The following FBN1 variants were observed in gnomAD, a reference collection of about 807,000 sequenced individuals.
FBN1 encodes the protein fibrillin-1.
Under a neutral mutation model 365.1 loss-of-function variants are expected in FBN1, and 29 were observed. The ratio of observed to expected loss-of-function variants is 0.08; its 90% CI spans 0.06 to 0.11. The LOEUF (loss-of-function observed/expected upper bound fraction) is 0.11. FBN1 is among the 10% of genes least tolerant of loss of function. The probability of loss-of-function intolerance (pLI) is 1.00; values close to 1 mark genes in which losing one functional copy is unlikely to be tolerated. For synonymous variants in FBN1, 1,210 were observed against 1,270.5 expected (o/e 0.95, Z 1.01); for missense variants, 2,476 against 3,703.2 (o/e 0.67, Z 8.60).
chr15:48,487,967 A>C (rs2141294405), intron 27 of FBN1, 146 bp downstream of exon 27: 1 of 1,063,224 alleles, frequency 9.4e-7, no homozygotes, highest in East Asian at 2.4e-5. Context: ...CATTCTTTCT[A>C]CCTCAGTCTC....
chr15:48,512,856 T>C (rs2043771972), intron 13 of FBN1, among the ~76,000 whole-genome samples: 1 of 152,212 alleles, frequency 6.6e-6, no homozygotes, highest in Non-Finnish European at 1.5e-5. Context: ...TTGGGCTCCC[T>C]GACAGTGATC....
intron 6 of FBN1, among the ~76,000 whole-genome samples, chr15:48,562,637 A>C (rs2044231603): frequency 6.6e-6 from 1 of 152,158 alleles, no homozygotes; most frequent in African/African-American, 2.4e-5. Flanking sequence ...TTTTTTAGAG[A>C]TTGCACTAGG....
At chr15:48,597,389 C>A (rs993023313) in intron 5 of FBN1, among the ~76,000 whole-genome samples, 15 of 152,186 alleles carry the variant, frequency 9.9e-5, no homozygotes, top group African/African-American at 3.6e-4. Context: ...TGGCTATTTC[C>A]ACCCATCATG....
chr15:48,592,814 A>G (rs1181102174), intron 6 of FBN1, among the ~76,000 whole-genome samples: 2 of 152,178 alleles, frequency 1.3e-5, no homozygotes, highest in Admixed American at 1.3e-4. Context: ...GACAATAGGT[A>G]GTGGTGGGGA....
At chr15:48,572,373 G>A (rs993876971) in intron 6 of FBN1, among the ~76,000 whole-genome samples, 7 of 151,828 alleles carry the variant, frequency 4.6e-5, no homozygotes, top group African/African-American at 1.7e-4. Flanking sequence ...GGCAAGAGGA[G>A]GTCAGAAAAA....
intron 6 of FBN1, among the ~76,000 whole-genome samples, chr15:48,586,945 TG>T (rs1213167046): frequency 6.6e-6 from 1 of 152,212 alleles, no homozygotes; most frequent in Non-Finnish European, 1.5e-5. Flanking sequence ...CTAAAATTCA[TG>T]GGCTTGGAGA....
intron 6 of FBN1, among the ~76,000 whole-genome samples, chr15:48,547,707 A>G (rs1472352838): frequency 6.8e-6 from 1 of 147,080 alleles, no homozygotes; most frequent in African/African-American, 2.5e-5. Flanking sequence ...GGTTGTTTGT[A>G]TATCTTCTCT....
intron 6 of FBN1, among the ~76,000 whole-genome samples, chr15:48,541,727 CT>C (rs61478233): frequency 0.18 from 24,858 of 137,598 alleles, 3,166 homozygotes; most frequent in African/African-American, 0.39. Context: ...TTTACATACT[CT>C]TTTTTTTTTT....
Position 48,470,686 on chromosome 15 carries a change from G to A in FBN1, c.4407C>T (p.Arg1469=). The A allele has an allele frequency of 6.2e-7, 1 of 1,614,040 alleles. No homozygotes were observed. The highest frequency in any genetic ancestry group is 8.5e-7 in the Non-Finnish European group (1 of 1,180,002). The part of the protein sequence containing the change: ...GTCHNLPGLF[R]CECEIGYELD... ...GTTCGTAGCCTATCTCACACTCACAGCGGAACAGGCCAGGGAGGTTGTGGC... is the reference window on the plus strand; with the variant it reads ...GTTCGTAGCCTATCTCACACTCACAACGGAACAGGCCAGGGAGGTTGTGGC... The change falls in exon 36 of 66, where the codon CGC becomes CGT. Residue 1469 remains arginine (R), a synonymous_variant. Coordinates refer to ENST00000316623, the MANE Select transcript of FBN1 (RefSeq NM_000138.5).
At chr15:48,425,613 T>G (rs2141226659) in intron 59 of FBN1, 122 bp from the exon 60 acceptor site, 1 of 1,542,574 alleles carries the variant, frequency 6.5e-7, no homozygotes, top group Admixed American at 1.7e-5. Context: ...CTGTGTAGAC[T>G]TTGATGATTG....
chr15:48,612,265 GAGA>G lies in FBN1; in HGVS notation c.247+742_247+744del, dbSNP rs1264054281. ...CTCCATTGACCACTGTCAGCCAAGT[GAGA>G]AGGTGAACTAAGTGATTCTTAATGT... On this transcript the variant is annotated intron_variant, in intron 3 of 65. Coordinates refer to ENST00000316623, the MANE Select transcript of FBN1 (RefSeq NM_000138.5). Among the ~76,000 whole-genome samples the G allele has an allele frequency of 3.9e-5, 6 of 152,332 alleles. No individual in the cohort carries two copies. The East Asian group carries it at 9.6e-4, about 24-fold the overall frequency.
At chr15:48,412,771 T>C (rs2042874574) in intron 64 of FBN1, 28 bp from the exon 65 acceptor site, 1 of 1,613,532 alleles carries the variant, frequency 6.2e-7, no homozygotes, top group Non-Finnish European at 8.5e-7. Flanking sequence ...CATAGATGTT[T>C]TTCATTAGAA....
chr15:48,445,960 G>C (rs2043154922), intron 47 of FBN1, among the ~76,000 whole-genome samples: 1 of 152,060 alleles, frequency 6.6e-6, no homozygotes, highest in African/African-American at 2.4e-5. Flanking sequence ...AGGAGATTCT[G>C]TAGATTCAAT....
At chr15:48,425,929 G>T (rs1446941361) in intron 58 of FBN1, 65 bp from the exon 59 acceptor site, 7 of 1,289,514 alleles carry the variant, frequency 5.4e-6, no homozygotes, top group Non-Finnish European at 7.8e-6. Context: ...TATGTAGGGG[G>T]TCACTTCAGT....
At chr15:48,560,420 C>T (rs991490336) in intron 6 of FBN1, among the ~76,000 whole-genome samples, 4 of 152,072 alleles carry the variant, frequency 2.6e-5, no homozygotes, top group Admixed American at 1.3e-4. Context: ...TGTGATAATA[C>T]GTAACAAATG....
chr15:48,608,194 A>C (rs930624910), intron 4 of FBN1, among the ~76,000 whole-genome samples: 4 of 152,160 alleles, frequency 2.6e-5, no homozygotes, highest in Non-Finnish European at 5.9e-5. Context: ...TGAAAGAACA[A>C]CACTTCTTCC....
At chr15:48,513,291 T>C (rs1597579730) in intron 13 of FBN1, among the ~76,000 whole-genome samples, 1 of 152,282 alleles carries the variant, frequency 6.6e-6, no homozygotes, top group East Asian at 1.9e-4. Flanking sequence ...TAAGAGGCAA[T>C]AATAGTGACG....
intron 6 of FBN1, among the ~76,000 whole-genome samples, chr15:48,589,609 CTTT>C (rs756647308): frequency 2.8e-5 from 3 of 108,718 alleles, no homozygotes; most frequent in African/African-American, 8.5e-5. Context: ...TTGTTACTTT[CTTT>C]TTTTTTTTTT....
At chr15:48,536,671 C>T (rs963018578) in intron 7 of FBN1, among the ~76,000 whole-genome samples, 2 of 152,122 alleles carry the variant, frequency 1.3e-5, no homozygotes, top group African/African-American at 4.8e-5. Context: ...GTATGTTGTA[C>T]ATGGGAGCTG....
Sources: gnomAD v4.1 joint callset for allele counts (sites outside exome capture counted in the v4.1 genomes callset) on GRCh38, gnomAD v4.1.1 for gene constraint, MANE v1.5 for transcripts, NCBI Gene and HGNC (gene_info 2026-07-23, HGNC 2026-07-21) for gene names.